Variants in MTA3 observed in about 807,000 individuals in gnomAD.
MTA3 encodes metastasis-associated protein MTA3.
MTA3 carries 34 observed loss-of-function variants against 83.5 expected under a neutral mutation model. The ratio of observed to expected loss-of-function variants is 0.41; its 90% CI spans 0.31 to 0.54. MTA3 has a LOEUF of 0.54. Ranked by LOEUF, MTA3 falls within the 20% of genes least tolerant of loss-of-function variation. MTA3 has a pLI of 0.33. For synonymous variants in MTA3, 303 were observed against 252.7 expected (o/e 1.20, Z -1.89); for missense variants, 761 against 726.4 (o/e 1.05, Z -0.55).
At position 42,522,425 on chromosome 2, in the gene MTA3, A is replaced by C. The variant is rs1242807644; in HGVS notation, c.-141+27171A>C. ...CTTGCACCCACTTTCAGGAAGGAAT[A>C]TGATCAGCACCTCTGGAATGATATC... On this transcript the variant is annotated intron_variant, in intron 2 of 17. Coordinates refer to the MTA3 transcript ENST00000405592. Among the ~76,000 whole-genome samples, 5 of 152,134 alleles carry C rather than the reference A, an allele frequency of 3.3e-5. No homozygotes were observed. In the South Asian group the frequency reaches 8.3e-4, roughly 25 times the overall value.
At chr2:42,572,171 T>A (rs1288746073) in intron 2 of MTA3, among the ~76,000 whole-genome samples, 2 of 151,570 alleles carry the variant, frequency 1.3e-5, no homozygotes, top group African/African-American at 2.4e-5. Flanking sequence ...CTCAGCTACT[T>A]GGGAGGCTGG....
At position 42,708,932 on chromosome 2, in the gene MTA3, A is replaced by C. The variant is rs769042434; in HGVS notation, c.1361A>C (p.Asn454Thr). ...RQAMQGMPVRNTGSPKSAVKT... is the reference protein window; with the variant it reads ...RQAMQGMPVRTTGSPKSAVKT... ...GCCATGCAGGGAATGCCAGTCCGAA[A>C]CACTGGGAGTCCAAAGTCTGCAGTG... The change falls in exon 14 of 17, where the codon AAC becomes ACC. Residue 454 changes from asparagine (N) to threonine (T), a missense_variant. Physicochemically the swap from Asn to Thr is moderately conservative, Grantham distance 65 (BLOSUM62 0). Transcript: ENST00000405094. 6.2e-7 allele frequency: 1 copy of C among 1,614,012 alleles called. No homozygotes were observed. Among genetic ancestry groups the C allele is most frequent in the Non-Finnish European group, 8.5e-7 (1 of 1,179,888 alleles).
At chr2:42,592,075 G>A (rs182149961) in intron 3 of MTA3, among the ~76,000 whole-genome samples, 1 of 151,642 alleles carries the variant, frequency 6.6e-6, no homozygotes, top group East Asian at 2.0e-4. Flanking sequence ...ACCAGTCTGG[G>A]CAACATGGTG....
chr2:42,627,977 C>T (rs1036323573), intron 4 of MTA3, among the ~76,000 whole-genome samples: 9 of 151,228 alleles, frequency 6.0e-5, no homozygotes, highest in East Asian at 2.0e-4. Flanking sequence ...CTCCGACTCC[C>T]GGGTTCAAGT....
intron 2 of MTA3, among the ~76,000 whole-genome samples, chr2:42,556,260 C>T (rs1469432706): frequency 6.6e-6 from 1 of 152,110 alleles, no homozygotes; most frequent in Non-Finnish European, 1.5e-5. Context: ...CTCCCGAAAG[C>T]CTATAGATCT....
At chr2:42,510,575 T>C (rs1417661356) in intron 2 of MTA3, among the ~76,000 whole-genome samples, 2 of 152,228 alleles carry the variant, frequency 1.3e-5, no homozygotes, top group East Asian at 1.9e-4. Context: ...TTGTGAATTA[T>C]ATCTTAATGA....
chr2:42,632,091 GTTT>G (rs35447248), intron 4 of MTA3, among the ~76,000 whole-genome samples: 46 of 125,194 alleles, frequency 3.7e-4, no homozygotes, highest in African/African-American at 1.3e-3. Flanking sequence ...CAGCTGCTGG[GTTT>G]TTTTTTTTTT....
At chr2:42,615,391 C>T (rs1423391387) in intron 4 of MTA3, among the ~76,000 whole-genome samples, 1 of 151,850 alleles carries the variant, frequency 6.6e-6, no homozygotes, top group Non-Finnish European at 1.5e-5. Flanking sequence ...CGCTCTGTCA[C>T]CTAGGCTGGA....
intron 2 of MTA3, 140 bp from the exon 3 acceptor site, chr2:42,578,967 C>T (rs946441608): frequency 1.8e-6 from 1 of 562,828 alleles, no homozygotes; most frequent in South Asian, 2.6e-5. Flanking sequence ...AATTTTTTAG[C>T]TCTGTGGTTA....
At chr2:42,508,873 T>C (rs1175177974) in intron 2 of MTA3, among the ~76,000 whole-genome samples, 1 of 146,184 alleles carries the variant, frequency 6.8e-6, no homozygotes, top group Non-Finnish European at 1.5e-5. Context: ...TTATATAATA[T>C]ATTATATATA....
chr2:42,534,216 A>G (rs1049665170), intron 2 of MTA3, among the ~76,000 whole-genome samples: 1 of 152,212 alleles, frequency 6.6e-6, no homozygotes, highest in Admixed American at 6.6e-5. Flanking sequence ...TCTTCACTAC[A>G]GCCTGCCTGG....
chr2:42,752,313 C>T (rs890626630), intron 16 of MTA3: 1 of 470,772 alleles, frequency 2.1e-6, no homozygotes, highest in Non-Finnish European at 4.4e-6. Flanking sequence ...TGAAGGTGAG[C>T]ATTGCTGGGT....
At chr2:42,505,957 G>T (rs1452692923) in intron 2 of MTA3, among the ~76,000 whole-genome samples, 1 of 151,548 alleles carries the variant, frequency 6.6e-6, no homozygotes, top group African/African-American at 2.4e-5. Context: ...TTAATAGAGC[G>T]TTTCACCGTG....
intron 3 of MTA3, among the ~76,000 whole-genome samples, chr2:42,606,367 C>T (rs1426841833): frequency 6.6e-6 from 1 of 150,490 alleles, no homozygotes; most frequent in Non-Finnish European, 1.5e-5. Flanking sequence ...GGCGGAGGGG[C>T]TCCTCACTTC....
At chr2:42,531,022 G>A (rs1324049366) in intron 2 of MTA3, among the ~76,000 whole-genome samples, 1 of 152,136 alleles carries the variant, frequency 6.6e-6, no homozygotes, top group Non-Finnish European at 1.5e-5. Context: ...TAGAGATGGC[G>A]TCTCGCCATG....
chr2:42,602,890 C>CT (rs1487123856), intron 3 of MTA3, among the ~76,000 whole-genome samples: 1 of 152,148 alleles, frequency 6.6e-6, no homozygotes, highest in Non-Finnish European at 1.5e-5. Flanking sequence ...TCCGTTCAGA[C>CT]TGATTTCTTC....
At chr2:42,632,087 C>A (rs2104259898) in intron 4 of MTA3, among the ~76,000 whole-genome samples, 1 of 121,210 alleles carries the variant, frequency 8.3e-6, no homozygotes, top group South Asian at 3.0e-4. Flanking sequence ...TTCCCAGCTG[C>A]TGGGTTTTTT....
intron 4 of MTA3, among the ~76,000 whole-genome samples, chr2:42,637,779 CTTCAT>C (rs1246317379): frequency 2.0e-5 from 3 of 152,048 alleles, no homozygotes; most frequent in African/African-American, 7.2e-5. Flanking sequence ...ACAATTTGTA[CTTCAT>C]TATAACCTGT....
Position 42,614,987 on chromosome 2 carries a change from A to AAC in MTA3, c.317+5404_317+5405insCA, listed in dbSNP as rs1267143493. On this transcript the variant is annotated intron_variant, in intron 4 of 16. Transcript: ENST00000405094. Reference sequence around the variant, plus strand: ...GCAAGACTCTGTCTTAAAAAAAAAAAAAACAAAAAGCAGAAAACCTAGGCT... The same window carrying AAC: ...GCAAGACTCTGTCTTAAAAAAAAAAAACAAACAAAAAGCAGAAAACCTAGGCT... Among the ~76,000 whole-genome samples the AAC allele has an allele frequency of 3.4e-5, 5 of 147,872 alleles. No individual in the cohort carries two copies. In the East Asian group the frequency reaches 5.8e-4, roughly 17 times the overall value.
Sources: allele counts gnomAD v4.1 joint callset (sites outside exome capture counted in the v4.1 genomes callset), GRCh38; gene constraint gnomAD v4.1.1; transcripts MANE v1.5; gene names NCBI Gene and HGNC (gene_info 2026-07-23, HGNC 2026-07-21).